The following NME9 variants were observed in gnomAD, a reference collection of about 807,000 sequenced individuals.
The protein encoded by NME9 is NME/NM23 family member 9.
A neutral mutation model predicts 44.4 loss-of-function variants in NME9; 48 were observed. That is an observed-to-expected ratio of 1.08 (90% CI 0.86 to 1.37). The LOEUF is 1.37. Ranked by LOEUF, NME9 falls within the 40% of genes most tolerant of loss-of-function variation. NME9 has a pLI of 0.00. For missense variants in NME9, 325 were observed against 405.2 expected (o/e 0.80, Z 1.70); for synonymous variants, 139 against 147.1 (o/e 0.94, Z 0.40).
At chr3:138,285,595 C>T (rs947609735) in intron 8 of NME9, among the ~76,000 whole-genome samples, 1 of 152,130 alleles carries the variant, frequency 6.6e-6, no homozygotes, top group Non-Finnish European at 1.5e-5. Context: ...TGGACTCTTG[C>T]CCTTATAGAT....
chr3:138,307,087 G>A (rs1022478988), intron 6 of NME9, among the ~76,000 whole-genome samples: 12 of 152,194 alleles, frequency 7.9e-5, no homozygotes, highest in African/African-American at 2.9e-4. Context: ...CTCAGCTCCA[G>A]CACATACTAC....
intron 8 of NME9, among the ~76,000 whole-genome samples, chr3:138,271,053 A>C (rs1408476587): frequency 6.6e-6 from 1 of 152,200 alleles, no homozygotes; most frequent in Non-Finnish European, 1.5e-5. Context: ...CACAGTTAAT[A>C]ATGGAAATGG....
chr3:138,268,956 G>T (rs1216370273), intron 8 of NME9, among the ~76,000 whole-genome samples: 5 of 152,060 alleles, frequency 3.3e-5, no homozygotes, highest in Non-Finnish European at 5.9e-5. Flanking sequence ...GGTTATCTAA[G>T]ATAATATCCT....
chr3:138,313,875 T>C (rs1449059234), intron 6 of NME9, among the ~76,000 whole-genome samples: 2 of 152,026 alleles, frequency 1.3e-5, no homozygotes, highest in Admixed American at 6.6e-5. Flanking sequence ...CTCATGAAGA[T>C]AGAGAGTAGA....
At chr3:138,301,943 A>G (rs2051879281) in intron 10 of NME9, among the ~76,000 whole-genome samples, 1 of 152,238 alleles carries the variant, frequency 6.6e-6, no homozygotes, top group South Asian at 2.1e-4. Context: ...TCTTCACAAC[A>G]GCTCTATGAT....
chr3:138,304,441 G>A (rs952510637), intron 9 of NME9, among the ~76,000 whole-genome samples: 4 of 152,192 alleles, frequency 2.6e-5, no homozygotes, highest in Non-Finnish European at 4.4e-5. Context: ...TCAGACTCCC[G>A]AGGGCCTCAG....
intron 8 of NME9, among the ~76,000 whole-genome samples, chr3:138,292,625 C>T (rs2051073453): frequency 6.6e-6 from 1 of 152,004 alleles, no homozygotes; most frequent in Non-Finnish European, 1.5e-5. Context: ...TGCCATATAC[C>T]AAGATGGTGA....
At chr3:138,267,565 A>T (rs1380408949) in intron 8 of NME9, among the ~76,000 whole-genome samples, 1 of 152,260 alleles carries the variant, frequency 6.6e-6, no homozygotes, top group Non-Finnish European at 1.5e-5. Flanking sequence ...GGCTATCTTT[A>T]CTAAAGAATA....
chr3:138,308,248 A>C (rs1281665984), intron 6 of NME9, among the ~76,000 whole-genome samples: 2 of 152,196 alleles, frequency 1.3e-5, no homozygotes, highest in Non-Finnish European at 2.9e-5. Flanking sequence ...GTTAGAATCC[A>C]ACTCAAACAA....
intron 8 of NME9, chr3:138,273,062 G>C (rs769789020): frequency 1.2e-6 from 2 of 1,613,486 alleles, no homozygotes; most frequent in Non-Finnish European, 1.7e-6. Flanking sequence ...ATTCAGATTT[G>C]AATGTGCTGA....
intron 1 of NME9, among the ~76,000 whole-genome samples, chr3:138,326,498 A>G (rs976726711): frequency 2.0e-5 from 3 of 152,114 alleles, no homozygotes; most frequent in African/African-American, 7.2e-5. Flanking sequence ...CAGTGGCATG[A>G]TCATGGCTCA....
chr3:138,304,758 G>A (rs1295061358), intron 9 of NME9, 115 bp downstream of exon 9: 4 of 996,416 alleles, frequency 4.0e-6, no homozygotes, highest in East Asian at 2.4e-5. Flanking sequence ...AGAGAGCCTG[G>A]CCATCAGAGA....
intron 8 of NME9, among the ~76,000 whole-genome samples, chr3:138,269,025 C>T (rs148018064): frequency 6.6e-6 from 1 of 152,028 alleles, no homozygotes; most frequent in Non-Finnish European, 1.5e-5. Flanking sequence ...TGTACGCATC[C>T]TACTTTCACA....
intron 6 of NME9, among the ~76,000 whole-genome samples, chr3:138,310,519 C>T (rs917681485): frequency 1.3e-5 from 2 of 151,752 alleles, no homozygotes; most frequent in Non-Finnish European, 2.9e-5. Flanking sequence ...TTATAAGCCA[C>T]AAAACTAGTC....
At chr3:138,297,851 G>A (rs2051621345), downstream of NME9, 1 of 152,162 alleles carries the variant, frequency 6.6e-6, no homozygotes, top group Non-Finnish European at 1.5e-5. Context: ...TATAGTGTTG[G>A]TATTAAATAG....
downstream of NME9, chr3:138,296,169 A>C: frequency 2.8e-6 from 1 of 357,712 alleles, no homozygotes; most frequent in Non-Finnish European, 5.1e-6. Flanking sequence ...CTTTGGACCT[A>C]CAATTTTTGC....
At chr3:138,322,718 A>G (rs544856522) in intron 2 of NME9, among the ~76,000 whole-genome samples, 1 of 152,246 alleles carries the variant, frequency 6.6e-6, no homozygotes, top group East Asian at 1.9e-4. Flanking sequence ...GCCTGATGAG[A>G]AGGAGCAAAG....
At chr3:138,314,540 T>G (rs1458635769) in intron 5 of NME9, 133 bp from the exon 6 acceptor site, 1 of 599,962 alleles carries the variant, frequency 1.7e-6, no homozygotes, top group African/African-American at 1.9e-5. Flanking sequence ...TTATCAGTCT[T>G]GGAAACTTTA....
rs2053686208 is a variant in NME9 at position 138,324,943 on chromosome 3, A to G, written c.34-13T>C. The stretch of plus-strand genomic sequence containing the variant: ...TGCTGATGTTGACCTAAAGCCAAAG[A>G]GGATCAAATGCCGTATTACTGAGGG... On this transcript the variant is annotated splice_polypyrimidine_tract_variant and intron_variant, in intron 1 of 10. Coordinates refer to ENST00000333911, the MANE Select transcript of NME9 (RefSeq NM_001349018.2). The G allele has an allele frequency of 3.1e-6, 5 of 1,611,982 alleles. No individual in the cohort carries two copies. The highest frequency in any genetic ancestry group is 3.3e-5 in the Admixed American group (2 of 59,988).
Sources: allele counts gnomAD v4.1 joint callset (sites outside exome capture counted in the v4.1 genomes callset), GRCh38; gene constraint gnomAD v4.1.1; transcripts MANE v1.5; gene names NCBI Gene and HGNC (gene_info 2026-07-23, HGNC 2026-07-21).